Variants in GARS1 observed in about 807,000 individuals in gnomAD.
GARS1 encodes the protein glycyl-tRNA synthetase 1.
In GARS1, 46 loss-of-function variants were observed where a neutral mutation model predicts 86.4. That is an observed-to-expected ratio of 0.53 (90% CI 0.42 to 0.68). The LOEUF (loss-of-function observed/expected upper bound fraction) is 0.68, where lower values mean the gene tolerates loss of function less well. Ranked by LOEUF, GARS1 falls within the 30% of genes least tolerant of loss-of-function variation. The probability of loss-of-function intolerance (pLI) is 0.00; values close to 1 mark genes in which losing one functional copy is unlikely to be tolerated. For synonymous variants in GARS1, 342 were observed against 329.8 expected, an observed-to-expected ratio of 1.04 and a Z score of -0.40; for missense variants, 797 against 915.6, an observed-to-expected ratio of 0.87 and a Z score of 1.67.
chr7:30,601,661 A>G (rs759970449), intron 4 of GARS1, among the ~76,000 whole-genome samples: 3 of 152,258 alleles, frequency 2.0e-5, no homozygotes, highest in Non-Finnish European at 2.9e-5. Context: ...TTTCCTTAAT[A>G]CAAGTTCTGA....
chr7:30,631,158 G>A, intron 14 of GARS1: 1 of 336,438 alleles, frequency 3.0e-6, no homozygotes, highest in Non-Finnish European at 5.7e-6. Flanking sequence ...TTAGTAACGG[G>A]CTTGTGAAGC....
At chr7:30,622,614 CATTATAGCCTGAAA>C in intron 12 of GARS1, 152 bp downstream of exon 12, 1 of 880,904 alleles carries the variant, frequency 1.1e-6, no homozygotes, top group Non-Finnish European at 1.8e-6. Flanking sequence ...GAGATTTTGG[CATTATAGCCTGAAA>C]AAAGATTTGA....
chr7:30,629,176 G>A (rs1040720039), intron 14 of GARS1, among the ~76,000 whole-genome samples: 8 of 152,090 alleles, frequency 5.3e-5, no homozygotes, highest in African/African-American at 1.4e-4. Context: ...GAGACCCAGG[G>A]ATCTGGGGTT....
chr7:30,621,168 A>G (rs555578411), intron 10 of GARS1, among the ~76,000 whole-genome samples: 3 of 151,576 alleles, frequency 2.0e-5, no homozygotes, highest in East Asian at 1.9e-4. Flanking sequence ...GATTACAGGC[A>G]TGAGCCATCA....
In GARS1 at chr7:30,602,924, C is replaced by G. The variant is rs151049548; in HGVS notation, c.570-110C>G. On this transcript the variant is annotated intron_variant, in intron 4 of 16. Transcript: ENST00000389266. ...TACATCATTACTATAGATATGGGAGCTTCCATCTTTGAGATGGATATAAAT... is the reference window on the plus strand; with the variant it reads ...TACATCATTACTATAGATATGGGAGGTTCCATCTTTGAGATGGATATAAAT... The G allele has an allele frequency of 1.3e-5, 10 of 797,278 alleles. No homozygotes were observed. The East Asian group carries it at 2.6e-4, about 21-fold the overall frequency. 49.4% of individuals were successfully genotyped at this position (797,278 alleles called of 1,614,324 possible). A position where few individuals can be genotyped will look rare whatever the true frequency, so the allele number is the denominator to read the frequency against.
intron 13 of GARS1, chr7:30,627,126 C>T: frequency 2.2e-6 from 1 of 453,574 alleles, no homozygotes; most frequent in South Asian, 1.6e-5. Flanking sequence ...TTATTTGTGG[C>T]TGAATTGAAA....
intron 9 of GARS1, 59 bp from the exon 10 acceptor site, chr7:30,617,055 G>A (rs1782902687): frequency 6.4e-7 from 1 of 1,563,764 alleles, no homozygotes; most frequent in Non-Finnish European, 8.8e-7. Context: ...TCTTGGCTTT[G>A]AAGAGTATTA....
At chr7:30,601,825 C>G (rs1338680734) in intron 4 of GARS1, among the ~76,000 whole-genome samples, 1 of 152,034 alleles carries the variant, frequency 6.6e-6, no homozygotes, top group Non-Finnish European at 1.5e-5. Flanking sequence ...GTCGCCCAAG[C>G]TGGAATGCAG....
intron 6 of GARS1, among the ~76,000 whole-genome samples, chr7:30,607,853 C>CTT (rs1791514659): frequency 6.6e-6 from 1 of 152,130 alleles, no homozygotes. Context: ...TAACTTAAAA[C>CTT]AACTTCCTTT....
rs939214888 is a variant in GARS1 at position 30,633,946 on chromosome 7, A to G, written c.*86A>G. Reference sequence around the variant, plus strand: ...TGTCCACTTTACAAAAGAAAACAGCATTGTGATTACTCCCAGGGACCGTAT... The same window carrying G: ...TGTCCACTTTACAAAAGAAAACAGCGTTGTGATTACTCCCAGGGACCGTAT... On this transcript the variant is annotated 3_prime_UTR_variant, in exon 17 of 17. Transcript: ENST00000389266. The G allele has an allele frequency of 3.3e-6, 5 of 1,509,370 alleles. No homozygotes were observed. In the African/African-American group the frequency reaches 6.9e-5, roughly 21 times the overall value. The allele number at this position is 1,509,370 out of a possible 1,614,324, so 93.5% of individuals were successfully genotyped here.
At chr7:30,621,993 A>G (rs1319907171) in intron 11 of GARS1, 1 of 391,088 alleles carries the variant, frequency 2.6e-6, no homozygotes. Context: ...GGTCAGTGAC[A>G]GGAAATAGAT....
intron 9 of GARS1, among the ~76,000 whole-genome samples, 185 bp downstream of exon 9, chr7:30,616,243 A>G (rs1782887578): frequency 1.3e-5 from 2 of 152,200 alleles, no homozygotes; most frequent in Admixed American, 6.5e-5. Context: ...TCACCTGAAC[A>G]TCTCAATTTG....
intron 2 of GARS1, among the ~76,000 whole-genome samples, chr7:30,599,496 G>A (rs759307854): frequency 6.6e-6 from 1 of 151,872 alleles, no homozygotes; most frequent in East Asian, 1.9e-4. Context: ...TCTGCCTCCC[G>A]GGTTCAAGTG....
intron 1 of GARS1, 109 bp from the exon 2 acceptor site, chr7:30,598,687 A>G: frequency 1.1e-6 from 1 of 894,930 alleles, no homozygotes; most frequent in Non-Finnish European, 1.8e-6. Context: ...CTTGGCCTGA[A>G]TTGCATCATT....
intron 2 of GARS1, among the ~76,000 whole-genome samples, chr7:30,599,401 C>T (rs899495140): frequency 2.0e-5 from 3 of 151,906 alleles, no homozygotes; most frequent in African/African-American, 7.3e-5. Flanking sequence ...TCAAAGTAAA[C>T]TTAGTCTTGT....
At position 30,632,445 on chromosome 7, in the gene GARS1, G is replaced by A. The variant is rs1316051729; in HGVS notation, c.2094+8G>A. On this transcript the variant is annotated splice_region_variant and intron_variant, in intron 16 of 16. Coordinates refer to ENST00000389266, the MANE Select transcript of GARS1 (RefSeq NM_002047.4). This position sits in a 1 kb window ranked among gnomAD's most constrained non-coding sequence, Gnocchi z 4.1. ...CGGCAGATAAGAGCAGAGGTATCTG[G>A]CCTTCTCTTTGGCATTTTTAGCCTT... The A allele has an allele frequency of 1.2e-6, 2 of 1,613,974 alleles. No individual in the cohort carries two copies. Among genetic ancestry groups the A allele is most frequent in the Non-Finnish European group, 1.7e-6 (2 of 1,179,894 alleles).
chr7:30,596,003 C>T, intron 1 of GARS1: 1 of 414,778 alleles, frequency 2.4e-6, no homozygotes, highest in Non-Finnish European at 4.9e-6. Flanking sequence ...AGGGCACTGC[C>T]ATAGAGTTTA....
rs182718046 is a variant in GARS1, at chr7:30,595,930, G to A, written c.222+787G>A. 1.4e-3 allele frequency: 671 copies of A among 470,908 alleles called. 1 individual carries two copies. Among genetic ancestry groups the A allele is most frequent in the Non-Finnish European group, 2.2e-3 (501 of 226,884 alleles). 29.2% of individuals were successfully genotyped at this position (470,908 alleles called of 1,614,324 possible). On this transcript the variant is annotated intron_variant, in intron 1 of 16. Transcript: ENST00000389266. ...GAATATTTTGACATTTGATTTTCCC[G>A]AAGGTGAGGGAAGGTTTCATGGGCT...
chr7:30,614,601 C>A (rs868673188), intron 8 of GARS1, among the ~76,000 whole-genome samples: 1 of 152,162 alleles, frequency 6.6e-6, no homozygotes, highest in African/African-American at 2.4e-5. Context: ...CTTGGCCGGG[C>A]GCAGTGGCTC....
Sources: gnomAD v4.1 joint callset for allele counts (sites outside exome capture counted in the v4.1 genomes callset) on GRCh38, gnomAD v4.1.1 for gene constraint, Gnocchi (gnomAD v3.1) non-coding constraint, MANE v1.5 for transcripts, NCBI Gene and HGNC (gene_info 2026-07-23, HGNC 2026-07-21) for gene names.